The following RAB40C variants were observed in gnomAD, a reference collection of about 807,000 sequenced individuals.
RAB40C encodes the protein RAB40C, member RAS oncogene family, also known as ras-related protein Rab-40C.
RAB40C carries 8 observed loss-of-function variants against 28.1 expected under a neutral mutation model. The observed-to-expected ratio is 0.28, with a 90% CI of 0.17 to 0.51. The LOEUF is 0.51. Ranked by LOEUF, RAB40C falls within the 20% of genes least tolerant of loss-of-function variation. RAB40C has a pLI of 0.97. For missense variants in RAB40C, 288 were observed against 405.9 expected, an observed-to-expected ratio of 0.71 and a Z score of 2.50; for synonymous variants, 201 against 171.7, an observed-to-expected ratio of 1.17 and a Z score of -1.34.
At chr16:620,340 C>T (rs1272036669) in intron 3 of RAB40C, among the ~76,000 whole-genome samples, 2 of 147,750 alleles carry the variant, frequency 1.4e-5, no homozygotes, top group African/African-American at 2.7e-5. Context: ...TTGCAGTGAG[C>T]CGAGATTGTG....
chr16:616,000 G>A (rs1424199544), intron 1 of RAB40C, among the ~76,000 whole-genome samples: 1 of 152,130 alleles, frequency 6.6e-6, no homozygotes, highest in Non-Finnish European at 1.5e-5. Context: ...GCTCACGCCT[G>A]TAATCCTAGC....
At chr16:625,082 A>G in intron 3 of RAB40C, 1 of 1,291,604 alleles carries the variant, frequency 7.7e-7, no homozygotes, top group Non-Finnish European at 1.0e-6. Context: ...GGACTGGCCG[A>G]GAGGACACTT....
intron 3 of RAB40C, among the ~76,000 whole-genome samples, chr16:622,568 C>A (rs577274355): frequency 9.2e-5 from 14 of 152,200 alleles, no homozygotes; most frequent in Non-Finnish European, 2.1e-4. Flanking sequence ...AGTGCCGTGG[C>A]GCGATCTCGG....
At chr16:625,059 G>A in intron 3 of RAB40C, 1 of 1,295,638 alleles carries the variant, frequency 7.7e-7, no homozygotes, top group South Asian at 1.2e-5. Flanking sequence ...TACTCCCGGG[G>A]GGATTCACTG....
chr16:617,077 C>T, intron 1 of RAB40C, 131 bp from the exon 2 acceptor site: 1 of 942,058 alleles, frequency 1.1e-6, no homozygotes. Context: ...GCCCCACTGG[C>T]TGAGTGTGGG....
intron 3 of RAB40C, among the ~76,000 whole-genome samples, chr16:622,853 A>G (rs2036750158): frequency 6.6e-6 from 1 of 152,122 alleles, no homozygotes; most frequent in Non-Finnish European, 1.5e-5. Context: ...AACAGAAGGC[A>G]GTGGAAGAGT....
intron 1 of RAB40C, among the ~76,000 whole-genome samples, chr16:598,745 A>C (rs1361299354): frequency 1.3e-5 from 2 of 152,062 alleles, no homozygotes; most frequent in Non-Finnish European, 2.9e-5. Flanking sequence ...TGTCTCAAAA[A>C]ATAAAAAATA....
intron 1 of RAB40C, 74 bp downstream of exon 1, chr16:590,507 G>T: frequency 7.2e-7 from 1 of 1,393,090 alleles, no homozygotes; most frequent in Non-Finnish European, 9.3e-7. Context: ...GCTCGCCCTC[G>T]GCCCGGCCCT....
At chr16:626,192 G>C (rs970382023) in intron 5 of RAB40C, 71 bp downstream of exon 5, 1 of 1,455,598 alleles carries the variant, frequency 6.9e-7, no homozygotes, top group South Asian at 1.2e-5. Context: ...GGAGGCTGAG[G>C]GGGGCCAGGG....
At chr16:621,651 C>T (rs970380737) in intron 3 of RAB40C, among the ~76,000 whole-genome samples, 5 of 152,228 alleles carry the variant, frequency 3.3e-5, no homozygotes, top group African/African-American at 7.2e-5. Flanking sequence ...TGCCACAACC[C>T]GCTGGTGGGA....
chr16:593,198 A>G (rs985802049), intron 1 of RAB40C, among the ~76,000 whole-genome samples: 1 of 152,236 alleles, frequency 6.6e-6, no homozygotes, highest in African/African-American at 2.4e-5. Flanking sequence ...GCAGCTTGCC[A>G]ACCTCAGGGG....
intron 1 of RAB40C, among the ~76,000 whole-genome samples, chr16:591,080 C>A (rs1046935863): frequency 1.3e-5 from 2 of 149,292 alleles, no homozygotes; most frequent in Non-Finnish European, 3.0e-5. Context: ...CATCATGGTC[C>A]TAAGGGAAGC....
At position 625,912 on chromosome 16, in the gene RAB40C, TC is replaced by T; in HGVS notation, c.361del (p.Arg121GlyfsTer30). The stretch of plus-strand genomic sequence containing the variant: ...CTGTGCCCCCAGCATGCACCCGGAG[TC>T]CCCCGGATCTTGGTTGGAAACCGGC... ...IKEIDEHAPGVPRILVGNRLH... is the reference protein window; with the variant it reads ...IKEIDEHAPGXPRILVGNRLH... On this transcript the variant is annotated frameshift_variant, in exon 5 of 6. Transcript: ENST00000248139. LOFTEE classifies it high-confidence loss of function. 6.2e-7 allele frequency: 1 copy of T among 1,612,346 alleles called. No homozygotes were observed. The highest frequency in any genetic ancestry group is 8.5e-7 in the Non-Finnish European group (1 of 1,179,594).
At chr16:597,526 C>G (rs2036154095) in intron 1 of RAB40C, among the ~76,000 whole-genome samples, 3 of 151,160 alleles carry the variant, frequency 2.0e-5, no homozygotes. Flanking sequence ...CTCCGTTACC[C>G]AGGGTGTAGT....
At chr16:597,380 T>G (rs1335351848) in intron 1 of RAB40C, among the ~76,000 whole-genome samples, 1 of 152,036 alleles carries the variant, frequency 6.6e-6, no homozygotes, top group Non-Finnish European at 1.5e-5. Context: ...CTGGGAAGGA[T>G]TCGAATCCTG....
At position 627,924 on chromosome 16, in the gene RAB40C, T is replaced by C. The variant is rs1186139173; in HGVS notation, c.*302T>C. On this transcript the variant is annotated 3_prime_UTR_variant, in exon 6 of 6. Transcript: ENST00000248139. ...GAGCCTGGTTGGCCTTTCTTATTTATATAGAGAACACTTCACTTTTTTGTA... is the reference window on the plus strand; with the variant it reads ...GAGCCTGGTTGGCCTTTCTTATTTACATAGAGAACACTTCACTTTTTTGTA... The C allele has an allele frequency of 1.0e-5, 4 of 388,162 alleles. No individual in the cohort carries two copies. Among genetic ancestry groups the C allele is most frequent in the Non-Finnish European group, 1.8e-5 (4 of 218,210 alleles). The allele number at this position is 388,162 out of a possible 1,614,324, so 24.0% of individuals were successfully genotyped here. A position where few individuals can be genotyped will look rare whatever the true frequency, so the allele number is the denominator to read the frequency against.
At chr16:609,315 A>G (rs2036433054) in intron 1 of RAB40C, among the ~76,000 whole-genome samples, 1 of 152,098 alleles carries the variant, frequency 6.6e-6, no homozygotes, top group South Asian at 2.1e-4. Flanking sequence ...TGAGTCGTGG[A>G]CAGCAGACAC....
chr16:624,806 C>T lies in RAB40C; in HGVS notation c.265-626C>T, dbSNP rs946548858. ...CAGGGCTCTGAGTGTGAGCAGTGTG[C>T]TCCCCTGTGCTGCTGGAGAGCCATG... On this transcript the variant is annotated intron_variant, in intron 3 of 5. Transcript: ENST00000248139. 5 of 985,324 alleles carry T rather than the reference C, an allele frequency of 5.1e-6. No homozygotes were observed. The Admixed American group carries it at 3.1e-4, about 61-fold the overall frequency. The allele number at this position is 985,324 out of a possible 1,614,324, so 61.0% of individuals were successfully genotyped here. A position where few individuals can be genotyped will look rare whatever the true frequency, so the allele number is the denominator to read the frequency against.
At chr16:600,279 C>T (rs1057295181) in intron 1 of RAB40C, among the ~76,000 whole-genome samples, 1 of 152,242 alleles carries the variant, frequency 6.6e-6, no homozygotes, top group African/African-American at 2.4e-5. Flanking sequence ...GAGCCTGTGT[C>T]CTCCTGGTGG....
Sources: gnomAD v4.1 joint callset for allele counts (sites outside exome capture counted in the v4.1 genomes callset) on GRCh38, gnomAD v4.1.1 for gene constraint, MANE v1.5 for transcripts, NCBI Gene and HGNC (gene_info 2026-07-23, HGNC 2026-07-21) for gene names.